The following NEK1 variants were observed in gnomAD, a reference collection of about 807,000 sequenced individuals.
NEK1 encodes the protein serine/threonine-protein kinase Nek1.
A neutral mutation model predicts 182.1 loss-of-function variants in NEK1; 137 were observed. That is an observed-to-expected ratio of 0.75 (90% CI 0.65 to 0.87). The LOEUF is 0.87. Among genes scored for constraint, NEK1 ranks in the 40% least tolerant of loss-of-function variants. The pLI is 0.00. For synonymous variants in NEK1, 513 were observed against 492.2 expected (o/e 1.04, Z -0.56); for missense variants, 1,391 against 1,494.4 (o/e 0.93, Z 1.14).
At chr4:169,515,808 C>T (rs1755136878) in intron 19 of NEK1, among the ~76,000 whole-genome samples, 2 of 23,666 alleles carry the variant, frequency 8.5e-5, no homozygotes, top group East Asian at 9.9e-4. Context: ...CAATTTCATC[C>T]ATGTCCCTAC....
rs1193475030 is a variant in NEK1 at position 169,513,817 on chromosome 4, T to C, written c.1666-4965A>G. Among the ~76,000 whole-genome samples the C allele has an allele frequency of 2.6e-5, 4 of 152,286 alleles. No individual in the cohort carries two copies. The East Asian group carries it at 7.7e-4, about 29-fold the overall frequency. On this transcript the variant is annotated intron_variant, in intron 19 of 35. Coordinates refer to ENST00000507142, the MANE Select transcript of NEK1 (RefSeq NM_001199397.3). ...TTTTTCAAAAGATTTTCTGTATCAA[T>C]TGATGTAATCATATGAATTTCCTTC...
intron 31 of NEK1, among the ~76,000 whole-genome samples, chr4:169,409,640 C>T (rs190415039): frequency 7.8e-4 from 118 of 152,152 alleles, no homozygotes; most frequent in African/African-American, 2.6e-3. Context: ...TGGTGGCATG[C>T]GCCTGTAATC....
chr4:169,570,226 G>A (rs1355834970), intron 12 of NEK1, among the ~76,000 whole-genome samples: 7 of 149,302 alleles, frequency 4.7e-5, no homozygotes, highest in Non-Finnish European at 4.4e-5. Context: ...TGGCCGCCCC[G>A]TCTGAGAAGT....
intron 10 of NEK1, 74 bp from the exon 11 acceptor site, chr4:169,580,976 T>C: frequency 3.1e-6 from 2 of 648,190 alleles, no homozygotes; most frequent in African/African-American, 2.0e-5. Flanking sequence ...TTAATTATAA[T>C]ACATCTTCCC....
intron 28 of NEK1, among the ~76,000 whole-genome samples, chr4:169,436,393 A>C (rs1178814406): frequency 6.6e-6 from 1 of 152,188 alleles, no homozygotes; most frequent in Non-Finnish European, 1.5e-5. Flanking sequence ...CTGGCAAGTG[A>C]AAAACAGTTA....
intron 27 of NEK1, among the ~76,000 whole-genome samples, chr4:169,457,533 C>G (rs1199958974): frequency 6.6e-6 from 1 of 150,994 alleles, no homozygotes; most frequent in Admixed American, 6.6e-5. Context: ...AGGCGGATCA[C>G]TTGAGGCCAT....
chr4:169,511,027 T>C (rs1051304653), intron 19 of NEK1, among the ~76,000 whole-genome samples: 2 of 152,160 alleles, frequency 1.3e-5, no homozygotes, highest in Non-Finnish European at 2.9e-5. Flanking sequence ...GTTAAGAACA[T>C]GAAATACAGA....
intron 11 of NEK1, 27 bp downstream of exon 11, chr4:169,580,814 GA>G: frequency 7.2e-7 from 1 of 1,379,428 alleles, no homozygotes; most frequent in Non-Finnish European, 1.0e-6. Flanking sequence ...GCAAACAGAT[GA>G]AAGGCTTCAT....
At chr4:169,396,477 C>T (rs1195177187) in intron 35 of NEK1, among the ~76,000 whole-genome samples, 1 of 150,980 alleles carries the variant, frequency 6.6e-6, no homozygotes, top group East Asian at 1.9e-4. Flanking sequence ...CCACTGGCCA[C>T]AGCTGTTATA....
At chr4:169,402,925 T>G (rs1169711970) in intron 32 of NEK1, among the ~76,000 whole-genome samples, 1 of 152,178 alleles carries the variant, frequency 6.6e-6, no homozygotes, top group Admixed American at 6.5e-5. Flanking sequence ...GTCTGAAGAC[T>G]TCTAAAAGAG....
Position 169,542,104 on chromosome 4 carries a change from G to A in NEK1, c.1563-4193C>T, listed in dbSNP as rs557264906. ...GTTACATAGGTATACACATGCCATG[G>A]AGGTTTGCTGTATCCATCAACCTGT... is the stretch of plus-strand genomic sequence containing the variant. On this transcript the variant is annotated intron_variant, in intron 18 of 35. Transcript: ENST00000507142. Among the ~76,000 whole-genome samples, 131 of 152,202 alleles carry A rather than the reference G, an allele frequency of 8.6e-4. 4 individuals are homozygous for A. Among genetic ancestry groups the A allele is most frequent in the Admixed American group, 8.5e-3 (130 of 15,272 alleles).
At chr4:169,491,847 A>G (rs1035438908) in intron 23 of NEK1, among the ~76,000 whole-genome samples, 4 of 152,222 alleles carry the variant, frequency 2.6e-5, no homozygotes, top group Non-Finnish European at 2.9e-5. Flanking sequence ...AAAGGTATAA[A>G]CTGTGACAGC....
At chr4:169,583,647 G>C (rs574101422) in intron 10 of NEK1, among the ~76,000 whole-genome samples, 1 of 152,262 alleles carries the variant, frequency 6.6e-6, no homozygotes, top group Admixed American at 6.5e-5. Context: ...TCCTGGTATA[G>C]GGAGAAAGAA....
At chr4:169,602,820 A>G in intron 2 of NEK1, 142 bp from the exon 3 acceptor site, 1 of 510,776 alleles carries the variant, frequency 2.0e-6, no homozygotes. Flanking sequence ...ACTAAAAGTT[A>G]CACTTTATAT....
rs1753740634 is a variant in NEK1 at position 169,508,850 on chromosome 4, T to A, written c.1668A>T (p.Gly556=). 1.3e-6 allele frequency: 2 copies of A among 1,586,578 alleles called. No homozygotes were observed. The highest frequency in any genetic ancestry group is 2.7e-5 in the African/African-American group (2 of 74,790). The change falls in exon 20 of 36, where the codon GGA becomes GGT. Residue 556 remains glycine (G), a splice_region_variant and synonymous_variant. Coordinates refer to ENST00000507142, the MANE Select transcript of NEK1 (RefSeq NM_001199397.3). The part of the protein sequence containing the change: ...QNKARAEGHM[G]ILQNLAAMYG... ...ACATAGCTGCCAGGTTTTGCAGGAT[T>A]CCCTGTTTATCATTTAATGTACTAA...
intron 23 of NEK1, among the ~76,000 whole-genome samples, chr4:169,489,683 C>G (rs1749703333): frequency 6.6e-6 from 1 of 152,084 alleles, no homozygotes; most frequent in Admixed American, 6.5e-5. Flanking sequence ...GTCCAAGTTG[C>G]CACTATGCCC....
At chr4:169,523,820 A>C (rs1756477045) in intron 19 of NEK1, among the ~76,000 whole-genome samples, 2 of 152,206 alleles carry the variant, frequency 1.3e-5, no homozygotes, top group Admixed American at 1.3e-4. Flanking sequence ...CATGAAACCT[A>C]ACATATTACA....
chr4:169,585,294 GT>G lies in NEK1; in HGVS notation c.807+54del, dbSNP rs910416144. 6 of 1,349,580 alleles carry G rather than the reference GT, an allele frequency of 4.4e-6. No individual in the cohort carries two copies. The African/African-American group carries it at 8.7e-5, about 20-fold the overall frequency. The allele number at this position is 1,349,580 out of a possible 1,614,324, so 83.6% of individuals were successfully genotyped here. A position where few individuals can be genotyped will look rare whatever the true frequency, so the allele number is the denominator to read the frequency against. ...TGTTCTCCTCAACACTGGAGGCCAT[GT>G]CTTAGCTAAGCAACATAACCCTACT... On this transcript the variant is annotated intron_variant, in intron 10 of 35. Coordinates refer to ENST00000507142, the MANE Select transcript of NEK1 (RefSeq NM_001199397.3).
At chr4:169,466,860 AT>A (rs1031870146) in intron 26 of NEK1, among the ~76,000 whole-genome samples, 13 of 65,466 alleles carry the variant, frequency 2.0e-4, no homozygotes, top group Non-Finnish European at 2.5e-4. Context: ...GATTTATAGC[AT>A]AAAAAAAAAA....
Sources: allele counts gnomAD v4.1 joint callset (sites outside exome capture counted in the v4.1 genomes callset), GRCh38; gene constraint gnomAD v4.1.1; transcripts MANE v1.5; gene names NCBI Gene and HGNC (gene_info 2026-07-23, HGNC 2026-07-21).